Variants in PCNX1 observed in about 807,000 individuals in gnomAD.
PCNX1 encodes pecanex 1.
In PCNX1, 78 loss-of-function variants were observed where a neutral mutation model predicts 242.2. The observed-to-expected ratio is 0.32, with a 90% CI of 0.27 to 0.39. PCNX1 has a LOEUF of 0.39. Ranked by LOEUF, PCNX1 falls within the 10% of genes least tolerant of loss-of-function variation. The pLI, the probability that PCNX1 is intolerant of heterozygous loss-of-function variation, is 1.00. For synonymous variants in PCNX1, 1,024 were observed against 1,032.9 expected, an observed-to-expected ratio of 0.99 and a Z score of 0.17; for missense variants, 2,581 against 2,856.5, an observed-to-expected ratio of 0.90 and a Z score of 2.20.
chr14:70,949,393 G>A lies in PCNX1; in HGVS notation c.362+2270G>A, dbSNP rs1170961001. Among the ~76,000 whole-genome samples, 4 of 81,790 alleles carry A rather than the reference G, an allele frequency of 4.9e-5. No homozygotes were observed. The East Asian group carries it at 8.6e-4, about 18-fold the overall frequency. 53.7% of individuals were successfully genotyped at this position (81,790 alleles called of 152,430 possible). A position where few individuals can be genotyped will look rare whatever the true frequency, so the allele number is the denominator to read the frequency against. ...TAGACACATACGTGTATATACATAT[G>A]TGTGTGTGTGTACATATATATGTAC... is the stretch of plus-strand genomic sequence containing the variant. On this transcript the variant is annotated intron_variant, in intron 2 of 35. Transcript: ENST00000304743.
In PCNX1 at chr14:71,087,458, A is replaced by G. The variant is rs185043145; in HGVS notation, c.5338-872A>G. Among the ~76,000 whole-genome samples, 15 of 152,352 alleles carry G rather than the reference A, an allele frequency of 9.8e-5. No individual in the cohort carries two copies. In the East Asian group the frequency reaches 1.9e-3, roughly 20 times the overall value. ...AAGTTAATGGTTTATAAAGCCAAAA[A>G]TAAATACCATTGGCAAAGTTAGAAT... On this transcript the variant is annotated intron_variant, in intron 28 of 35. Coordinates refer to ENST00000304743, the MANE Select transcript of PCNX1 (RefSeq NM_014982.3).
At chr14:70,972,808 T>C (rs990335563) in intron 5 of PCNX1, among the ~76,000 whole-genome samples, 3 of 152,114 alleles carry the variant, frequency 2.0e-5, no homozygotes, top group Non-Finnish European at 4.4e-5. Flanking sequence ...ATACCTTCCC[T>C]ATCCAAGATC....
chr14:71,105,553 A>ATT (rs59011941), intron 33 of PCNX1, 113 bp downstream of exon 33: 1,208 of 622,126 alleles, frequency 1.9e-3, no homozygotes, highest in East Asian at 2.5e-3. Flanking sequence ...CAGAAATAGA[A>ATT]TTTTTTTTTT....
At position 71,110,923 on chromosome 14, in the gene PCNX1, G is replaced by A. The variant is rs1041691481; in HGVS notation, c.*988G>A. The A allele has an allele frequency of 1.3e-5, 2 of 152,602 alleles. No homozygotes were observed. Among genetic ancestry groups the A allele is most frequent in the East Asian group, 1.9e-4 (1 of 5,200 alleles). 9.5% of individuals were successfully genotyped at this position (152,602 alleles called of 1,614,324 possible). On this transcript the variant is annotated 3_prime_UTR_variant, in exon 36 of 36. Coordinates refer to ENST00000304743, the MANE Select transcript of PCNX1 (RefSeq NM_014982.3). ...TGTCCAGGAATTTAAAGAAAGGATC[G>A]ATTGCCTTTTATTTATGAGTTTCTA...
intron 1 of PCNX1, among the ~76,000 whole-genome samples, chr14:70,909,861 A>C (rs1370984622): frequency 2.0e-5 from 3 of 152,118 alleles, no homozygotes; most frequent in African/African-American, 7.2e-5. Context: ...GTTCTTAATC[A>C]GTTCAGACCT....
intron 8 of PCNX1, among the ~76,000 whole-genome samples, chr14:71,008,589 G>A (rs1249128011): frequency 6.9e-6 from 1 of 145,438 alleles, no homozygotes; most frequent in African/African-American, 2.5e-5. Flanking sequence ...CCGGGAGGCA[G>A]AGCTTGCAGT....
At chr14:70,938,164 T>C (rs2057086016) in intron 1 of PCNX1, among the ~76,000 whole-genome samples, 1 of 152,172 alleles carries the variant, frequency 6.6e-6, no homozygotes, top group African/African-American at 2.4e-5. Flanking sequence ...CTTCCAACAC[T>C]ATGTTGAATA....
chr14:71,038,694 C>A (rs2060618018), intron 19 of PCNX1, among the ~76,000 whole-genome samples: 5 of 152,002 alleles, frequency 3.3e-5, no homozygotes, highest in Non-Finnish European at 2.9e-5. Flanking sequence ...ACTAGAAATA[C>A]CATTTGACCC....
At chr14:71,069,308 T>A (rs151038107) in intron 26 of PCNX1, among the ~76,000 whole-genome samples, 1 of 152,160 alleles carries the variant, frequency 6.6e-6, no homozygotes, top group Non-Finnish European at 1.5e-5. Flanking sequence ...TCTAAAAAAA[T>A]TGAACCATTT....
rs1233507592 is a variant in PCNX1 at position 71,114,271 on chromosome 14, T to A, written c.*4336T>A. The A allele has an allele frequency of 6.6e-6, 1 of 152,182 alleles. No individual in the cohort carries two copies. The highest frequency in any genetic ancestry group is 1.5e-5 in the Non-Finnish European group (1 of 68,028). 9.4% of individuals were successfully genotyped at this position (152,182 alleles called of 1,614,324 possible). A position where few individuals can be genotyped will look rare whatever the true frequency, so the allele number is the denominator to read the frequency against. Reference sequence around the variant, plus strand: ...AATCGTTTTCTCCATTTATCTATCTTTTTTGTTTGTTTTTAATTTGGTTGA... The same window carrying A: ...AATCGTTTTCTCCATTTATCTATCTATTTTGTTTGTTTTTAATTTGGTTGA... On this transcript the variant is annotated 3_prime_UTR_variant, in exon 36 of 36. Transcript: ENST00000304743.
At position 71,103,602 on chromosome 14, in the gene PCNX1, A is replaced by G. The variant is rs1331002771; in HGVS notation, c.6028A>G (p.Lys2010Glu). ...TSYSDSHEQL[K>E]DILGGPISLG... ...TTACTCTGACAGCCACGAACAGCTT[A>G]AAGACATTCTTGGGGGTCCTATCAG... Residue 2010 changes from lysine to glutamate, a missense_variant, in exon 32 of 36, where the codon AAA becomes GAA. Coordinates refer to ENST00000304743, the MANE Select transcript of PCNX1 (RefSeq NM_014982.3). The G allele has an allele frequency of 1.2e-6, 2 of 1,614,054 alleles. No homozygotes were observed. The highest frequency in any genetic ancestry group is 1.7e-6 in the Non-Finnish European group (2 of 1,179,992).
intron 22 of PCNX1, chr14:71,049,172 T>A (rs776116278): frequency 8.1e-6 from 6 of 737,412 alleles, no homozygotes; most frequent in Non-Finnish European, 9.9e-6. Context: ...ATGTAGTTGC[T>A]ACACTTAACT....
At chr14:71,078,522 T>G (rs910719566) in intron 28 of PCNX1, 1 of 152,258 alleles carries the variant, frequency 6.6e-6, no homozygotes, top group Non-Finnish European at 1.5e-5. Flanking sequence ...TCTTTCACTT[T>G]GTTGTTAGTA....
chr14:71,012,818 C>CA (rs10557318), intron 10 of PCNX1, 167 bp from the exon 11 acceptor site: 44,337 of 438,090 alleles, frequency 0.1, 520 homozygotes, highest in South Asian at 0.12. Context: ...GACTCTGTCT[C>CA]AAAAAAAAAA....
rs147666310 is a variant in PCNX1 at position 70,977,060 on chromosome 14, C to T, written c.723C>T (p.Asn241=). Residue 241 remains asparagine, a synonymous_variant, in exon 6 of 36, where the codon AAC becomes AAT. Coordinates refer to ENST00000304743, the MANE Select transcript of PCNX1 (RefSeq NM_014982.3). ...DLPRDFSDKV[N]LPSHNHHHHV... ...CAAGGGACTTCAGTGACAAAGTGAA[C>T]CTGCCAAGTCATAACCACCACCACC... 1.7e-5 allele frequency: 27 copies of T among 1,614,066 alleles called. No homozygotes were observed. The highest frequency in any genetic ancestry group is 3.3e-4 in the Middle Eastern group (2 of 6,084).
chr14:70,949,196 AGT>A (rs1375946410), intron 2 of PCNX1, among the ~76,000 whole-genome samples: 11 of 143,130 alleles, frequency 7.7e-5, no homozygotes, highest in Admixed American at 3.5e-4. Context: ...ATTTACTCAT[AGT>A]GTGTATATAC....
Position 71,109,035 on chromosome 14 carries a change from T to A in PCNX1, c.6733T>A (p.Tyr2245Asn). ...ACACTCCAGAAAGGCAGAAGTGATT[T>A]ACAGAGTCCAAGTAAGTAAGCCCAG... ...NSHSRKAEVIYRVQIVDPSQI... is the reference protein window; with the variant it reads ...NSHSRKAEVINRVQIVDPSQI... The change falls in exon 34 of 36, where the codon TAC becomes AAC. Residue 2245 changes from tyrosine to asparagine, a missense_variant. Transcript: ENST00000304743. 6.2e-7 allele frequency: 1 copy of A among 1,611,034 alleles called. No individual in the cohort carries two copies.
intron 28 of PCNX1, among the ~76,000 whole-genome samples, chr14:71,081,055 T>G (rs1182877554): frequency 6.6e-6 from 1 of 152,174 alleles, no homozygotes; most frequent in Non-Finnish European, 1.5e-5. Flanking sequence ...CAGTACCTAG[T>G]TTATGGAGAG....
chr14:71,092,713 A>C (rs2062168567), intron 30 of PCNX1: 1 of 152,212 alleles, frequency 6.6e-6, no homozygotes. Context: ...GGGTAAGCTA[A>C]GTTTACTGTT....
Sources: gnomAD v4.1 joint callset for allele counts (sites outside exome capture counted in the v4.1 genomes callset) on GRCh38, gnomAD v4.1.1 for gene constraint, MANE v1.5 for transcripts, NCBI Gene and HGNC (gene_info 2026-07-23, HGNC 2026-07-21) for gene names.